The following PAPPA variants were observed in gnomAD, a reference collection of about 807,000 sequenced individuals.
PAPPA encodes pappalysin-1.
A neutral mutation model predicts 164.0 loss-of-function variants in PAPPA; 60 were observed. The ratio of observed to expected loss-of-function variants is 0.37; its 90% CI spans 0.30 to 0.45. PAPPA has a LOEUF of 0.45. PAPPA is among the 20% of genes least tolerant of loss of function. PAPPA has a pLI of 1.00. For synonymous variants in PAPPA, 875 were observed against 814.1 expected (o/e 1.07, Z -1.27); for missense variants, 1,782 against 2,087.3 (o/e 0.85, Z 2.85).
Position 116,220,001 on chromosome 9 carries a change from G to C in PAPPA, c.1983G>C (p.Leu661=), listed in dbSNP as rs756017038. Reference sequence around the variant, plus strand: ...CCAGAATGCACTGTTACCTGGACCTGGTCTACCAGGGCTGGCAGCCCTCCA... The same window carrying C: ...CCAGAATGCACTGTTACCTGGACCTCGTCTACCAGGGCTGGCAGCCCTCCA... The part of the protein sequence containing the change: ...QVARMHCYLD[L]VYQGWQPSRK... Residue 661 remains leucine, a synonymous_variant, in exon 5 of 22, where the codon CTG becomes CTC. Coordinates refer to ENST00000328252, the MANE Select transcript of PAPPA (RefSeq NM_002581.5). The C allele has an allele frequency of 6.2e-7, 1 of 1,614,086 alleles. No individual in the cohort carries two copies. The highest frequency in any genetic ancestry group is 8.5e-7 in the Non-Finnish European group (1 of 1,180,006).
At chr9:116,362,778 T>A in intron 18 of PAPPA, 39 bp downstream of exon 18, 1 of 1,595,394 alleles carries the variant, frequency 6.3e-7, no homozygotes, top group South Asian at 1.1e-5. Context: ...GGAGGGGCAA[T>A]TCCTTCCAGC....
intron 16 of PAPPA, 54 bp from the exon 17 acceptor site, chr9:116,353,568 T>C: frequency 6.6e-7 from 1 of 1,520,092 alleles, no homozygotes; most frequent in Non-Finnish European, 9.0e-7. Context: ...ATGCAGGGCA[T>C]GGATCTAGCC....
At chr9:116,316,111 G>GC (rs1408830369) in intron 10 of PAPPA, among the ~76,000 whole-genome samples, 1 of 152,236 alleles carries the variant, frequency 6.6e-6, no homozygotes, top group African/African-American at 2.4e-5. Context: ...GAAAGAAGCA[G>GC]CAAGTGATGG....
chr9:116,383,903 A>G (rs1317883147), intron 21 of PAPPA, among the ~76,000 whole-genome samples: 1 of 152,222 alleles, frequency 6.6e-6, no homozygotes, highest in African/African-American at 2.4e-5. Flanking sequence ...TTTTCTAATT[A>G]TGAAATAATG....
intron 20 of PAPPA, 146 bp downstream of exon 20, chr9:116,377,793 G>A: frequency 1.6e-6 from 1 of 627,300 alleles, no homozygotes; most frequent in Non-Finnish European, 2.8e-6. Flanking sequence ...ACAGGGATTA[G>A]CAGCCTTATT....
intron 2 of PAPPA, among the ~76,000 whole-genome samples, chr9:116,188,809 C>T (rs1352176435): frequency 1.3e-5 from 2 of 152,106 alleles, no homozygotes; most frequent in Admixed American, 6.5e-5. Context: ...TCTGTGACTT[C>T]TTCATTTTGT....
chr9:116,263,125 A>C (rs928329123), intron 7 of PAPPA, among the ~76,000 whole-genome samples: 1 of 152,164 alleles, frequency 6.6e-6, no homozygotes, highest in African/African-American at 2.4e-5. Flanking sequence ...AGAGCTGCTT[A>C]AGCTTCTGGA....
rs1286170052 is a variant in PAPPA, at chr9:116,157,306, CAG to C, written c.415+2720_415+2721del. 4.6e-5 allele frequency among the ~76,000 whole-genome samples: 7 copies of C among 152,092 alleles called. No individual in the cohort carries two copies. In the East Asian group the frequency reaches 5.8e-4, roughly 13 times the overall value. ...CAGTTCAGACAGGCGCTCGGAGAGA[CAG>C]GGGGAAGGAGCGAAGGAGCAGTTTG... On this transcript the variant is annotated intron_variant, in intron 1 of 21. Coordinates refer to ENST00000328252, the MANE Select transcript of PAPPA (RefSeq NM_002581.5).
intron 15 of PAPPA, among the ~76,000 whole-genome samples, chr9:116,351,875 C>T (rs1340652914): frequency 6.6e-6 from 1 of 152,204 alleles, no homozygotes; most frequent in Non-Finnish European, 1.5e-5. Flanking sequence ...TGATTGTCAA[C>T]ACCATTCAGT....
intron 13 of PAPPA, 44 bp downstream of exon 13, chr9:116,335,118 A>G: frequency 1.4e-6 from 2 of 1,473,774 alleles, no homozygotes; most frequent in Non-Finnish European, 1.9e-6. Context: ...CTTGTAGCCG[A>G]GTGGAGACAG....
At chr9:116,371,281 G>A (rs1009364649) in intron 19 of PAPPA, among the ~76,000 whole-genome samples, 25 of 152,168 alleles carry the variant, frequency 1.6e-4, no homozygotes, top group Admixed American at 1.6e-3. Flanking sequence ...GGCGAGCATG[G>A]TGGCGCACAC....
chr9:116,390,785 C>A (rs1464803116), intron 21 of PAPPA, among the ~76,000 whole-genome samples: 1 of 152,082 alleles, frequency 6.6e-6, no homozygotes, highest in Non-Finnish European at 1.5e-5. Context: ...TGGAATCCAG[C>A]CCTTCTATCC....
At chr9:116,295,581 G>T (rs954404404) in intron 9 of PAPPA, among the ~76,000 whole-genome samples, 1 of 146,150 alleles carries the variant, frequency 6.8e-6, no homozygotes, top group East Asian at 2.0e-4. Context: ...GAAAAGAAAA[G>T]AAAAATTTCA....
intron 17 of PAPPA, among the ~76,000 whole-genome samples, chr9:116,361,934 A>G (rs976849681): frequency 6.6e-6 from 1 of 152,252 alleles, no homozygotes; most frequent in Non-Finnish European, 1.5e-5. Flanking sequence ...TTGAGAAACT[A>G]TAATTCCCTA....
chr9:116,396,134 C>CACTT (rs1401842758), intron 21 of PAPPA, among the ~76,000 whole-genome samples: 6 of 152,122 alleles, frequency 3.9e-5, no homozygotes, highest in Non-Finnish European at 8.8e-5. Flanking sequence ...CCAGACTTGA[C>CACTT]ACTTATTATT....
chr9:116,379,173 C>G lies in PAPPA; in HGVS notation c.4677+1526C>G, dbSNP rs550892973. 2.0e-5 allele frequency among the ~76,000 whole-genome samples: 3 copies of G among 152,294 alleles called. No homozygotes were observed. The East Asian group carries it at 5.8e-4, about 29-fold the overall frequency. ...GACCCTCACCTGTCAGACTCTGAGC[C>G]CTGCCAGTGATGTTTATCACCTTTG... On this transcript the variant is annotated intron_variant, in intron 20 of 21. Coordinates refer to ENST00000328252, the MANE Select transcript of PAPPA (RefSeq NM_002581.5).
At chr9:116,328,869 G>C (rs1426557002) in intron 10 of PAPPA, among the ~76,000 whole-genome samples, 1 of 152,070 alleles carries the variant, frequency 6.6e-6, no homozygotes. Flanking sequence ...AAGACAACTT[G>C]TTCAAAATTG....
chr9:116,175,123 A>G (rs1047728823), intron 1 of PAPPA, among the ~76,000 whole-genome samples: 2 of 152,176 alleles, frequency 1.3e-5, no homozygotes, highest in Non-Finnish European at 2.9e-5. Flanking sequence ...ATTCAAACCT[A>G]ATGACCACTG....
chr9:116,302,956 A>G lies in PAPPA; in HGVS notation c.3147+6A>G. ...GACAGCCAGCAGCATCCCAGGTAAGATCCTAACCATGTGTGGCATTTCCTG... is the reference window on the plus strand; with the variant it reads ...GACAGCCAGCAGCATCCCAGGTAAGGTCCTAACCATGTGTGGCATTTCCTG... On this transcript the variant is annotated splice_donor_region_variant and intron_variant, in intron 10 of 21. Transcript: ENST00000328252. 2 of 1,611,666 alleles carry G rather than the reference A, an allele frequency of 1.2e-6. No homozygotes were observed. The highest frequency in any genetic ancestry group is 8.5e-7 in the Non-Finnish European group (1 of 1,178,834).
Sources: gnomAD v4.1 joint callset for allele counts (sites outside exome capture counted in the v4.1 genomes callset) on GRCh38, gnomAD v4.1.1 for gene constraint, MANE v1.5 for transcripts, NCBI Gene and HGNC (gene_info 2026-07-23, HGNC 2026-07-21) for gene names.